ARHGAP26: variants seen among roughly 807,000 people sequenced by gnomAD.
The protein encoded by ARHGAP26 is rho GTPase-activating protein 26.
ARHGAP26 carries 38 observed loss-of-function variants against 104.8 expected under a neutral mutation model. The observed-to-expected ratio is 0.36, with a 90% confidence interval of 0.28 to 0.48. The LOEUF (loss-of-function observed/expected upper bound fraction) is 0.48, where lower values mean the gene tolerates loss of function less well. ARHGAP26 is among the 20% of genes least tolerant of loss of function. The pLI is 0.99. For missense variants in ARHGAP26, 704 were observed against 947.9 expected, an observed-to-expected ratio of 0.74 and a Z score of 3.38; for synonymous variants, 341 against 340.0, an observed-to-expected ratio of 1.00 and a Z score of -0.03.
intron 18 of ARHGAP26, among the ~76,000 whole-genome samples, chr5:143,130,943 C>T (rs564064123): frequency 6.6e-6 from 1 of 152,314 alleles, no homozygotes; most frequent in East Asian, 1.9e-4. Context: ...CAGTGTGCTT[C>T]CTTGCACATT....
chr5:142,854,295 G>C (rs1164234328), intron 1 of ARHGAP26, among the ~76,000 whole-genome samples: 2 of 152,148 alleles, frequency 1.3e-5, no homozygotes, highest in Non-Finnish European at 2.9e-5. Context: ...GAAGGTAATG[G>C]GAATCTGCTT....
chr5:142,915,070 A>G (rs535595329), intron 10 of ARHGAP26, among the ~76,000 whole-genome samples: 1 of 152,264 alleles, frequency 6.6e-6, no homozygotes, highest in South Asian at 2.1e-4. Flanking sequence ...TCATCTTCAG[A>G]AGTTTCCCGA....
chr5:142,895,239 T>C (rs1174454077), intron 6 of ARHGAP26, among the ~76,000 whole-genome samples: 1 of 152,180 alleles, frequency 6.6e-6, no homozygotes, highest in African/African-American at 2.4e-5. Context: ...TTTTTCTTTT[T>C]TTTTTCTTTG....
chr5:142,848,824 G>C (rs7732115), intron 1 of ARHGAP26, among the ~76,000 whole-genome samples: 13 of 152,170 alleles, frequency 8.5e-5, no homozygotes, highest in African/African-American at 3.1e-4. Context: ...GCCATGGCTT[G>C]TGGGAATTAA....
chr5:143,207,557 G>C, intron 21 of ARHGAP26: 3 of 1,509,118 alleles, frequency 2.0e-6, no homozygotes, highest in Non-Finnish European at 1.8e-6. Context: ...GCTCTCCTGT[G>C]GTTCCATCCT....
chr5:142,881,880 GGT>G (rs1757049029), intron 4 of ARHGAP26, among the ~76,000 whole-genome samples: 1 of 152,134 alleles, frequency 6.6e-6, no homozygotes. Context: ...TCCACTCTCT[GGT>G]GCTGCTTCGG....
rs533754400 is a variant in ARHGAP26 at position 143,222,663 on chromosome 5, C to G, written c.*217C>G. 2.6e-6 allele frequency: 1 copy of G among 388,834 alleles called. No homozygotes were observed. Among genetic ancestry groups the G allele is most frequent in the South Asian group, 1.1e-4 (1 of 8,954 alleles). 24.1% of individuals were successfully genotyped at this position (388,834 alleles called of 1,614,324 possible). A position where few individuals can be genotyped will look rare whatever the true frequency, so the allele number is the denominator to read the frequency against. On this transcript the variant is annotated 3_prime_UTR_variant, in exon 23 of 23. Coordinates refer to ENST00000645722, the MANE Select transcript of ARHGAP26 (RefSeq NM_001135608.3). ...TACTGCAAGAAAAGAAGTCAATCAG[C>G]AGAGGAGAGCATTTGATAACTAAGA...
At chr5:143,011,065 A>T (rs1778649383) in intron 11 of ARHGAP26, 1 of 152,228 alleles carries the variant, frequency 6.6e-6, no homozygotes, top group African/African-American at 2.4e-5. Context: ...GCAGGATCGG[A>T]TTGCTGCCCC....
chr5:142,793,618 C>T (rs891678966), intron 1 of ARHGAP26, among the ~76,000 whole-genome samples: 5 of 152,136 alleles, frequency 3.3e-5, no homozygotes, highest in Middle Eastern at 6.8e-3. Flanking sequence ...GACAGAGTCT[C>T]ACTCTGTCAC....
At chr5:143,144,036 A>G (rs1462508156) in intron 19 of ARHGAP26, among the ~76,000 whole-genome samples, 1 of 152,216 alleles carries the variant, frequency 6.6e-6, no homozygotes, top group Non-Finnish European at 1.5e-5. Flanking sequence ...CAGTTTAGGC[A>G]TACTCCTGAG....
At chr5:143,165,990 C>T (rs1023054572) in intron 20 of ARHGAP26, 2 of 1,296,480 alleles carry the variant, frequency 1.5e-6, no homozygotes, top group East Asian at 4.6e-5. Flanking sequence ...GTAAAAGTTA[C>T]CTGCCGTAAT....
chr5:142,840,408 G>A (rs767189883), intron 1 of ARHGAP26, among the ~76,000 whole-genome samples: 3 of 152,086 alleles, frequency 2.0e-5, no homozygotes, highest in Non-Finnish European at 4.4e-5. Context: ...CAGAATCTTA[G>A]GCAGTACATA....
chr5:142,957,553 A>G (rs1215618631), intron 11 of ARHGAP26, among the ~76,000 whole-genome samples: 1 of 152,186 alleles, frequency 6.6e-6, no homozygotes, highest in Non-Finnish European at 1.5e-5. Flanking sequence ...CTACATGTGC[A>G]TAATAGACAG....
At chr5:143,006,754 C>T (rs994211754) in intron 11 of ARHGAP26, among the ~76,000 whole-genome samples, 1 of 152,164 alleles carries the variant, frequency 6.6e-6, no homozygotes, top group Non-Finnish European at 1.5e-5. Flanking sequence ...TGAGACACAT[C>T]CTTATTTACT....
chr5:143,116,769 G>C (rs1018484061), intron 17 of ARHGAP26, among the ~76,000 whole-genome samples: 1 of 152,172 alleles, frequency 6.6e-6, no homozygotes, highest in Admixed American at 6.5e-5. Flanking sequence ...GTGGCAAGAG[G>C]CCCCTCTGCC....
intron 20 of ARHGAP26, among the ~76,000 whole-genome samples, chr5:143,152,632 T>A (rs1445330905): frequency 6.6e-6 from 1 of 152,256 alleles, no homozygotes; most frequent in Non-Finnish European, 1.5e-5. Context: ...GAATCTAGGC[T>A]GACCTTTACC....
At chr5:143,033,844 A>G (rs968407181) in intron 12 of ARHGAP26, among the ~76,000 whole-genome samples, 1 of 152,200 alleles carries the variant, frequency 6.6e-6, no homozygotes, top group Non-Finnish European at 1.5e-5. Flanking sequence ...CAAAAGAAGA[A>G]CTAAAAGGCT....
At chr5:142,893,530 G>C (rs187769051) in intron 5 of ARHGAP26, among the ~76,000 whole-genome samples, 21 of 152,192 alleles carry the variant, frequency 1.4e-4, no homozygotes, top group Non-Finnish European at 3.1e-4. Context: ...TCATATCTTG[G>C]CTGTTGTGAG....
intron 1 of ARHGAP26, among the ~76,000 whole-genome samples, chr5:142,779,757 G>T (rs998691364): frequency 6.6e-6 from 1 of 152,136 alleles, no homozygotes; most frequent in Admixed American, 6.5e-5. Context: ...TTGAACTTTG[G>T]CTGTTTCTGT....
Sources: gnomAD v4.1 joint callset for allele counts (sites outside exome capture counted in the v4.1 genomes callset) on GRCh38, gnomAD v4.1.1 for gene constraint, MANE v1.5 for transcripts, NCBI Gene and HGNC (gene_info 2026-07-23, HGNC 2026-07-21) for gene names.